Variants in PCDHGA4 observed in about 807,000 individuals in gnomAD.
The protein encoded by PCDHGA4 is protocadherin gamma subfamily A, 4, also known as protocadherin gamma-A4.
PCDHGA4 carries 38 observed loss-of-function variants against 54.6 expected under a neutral mutation model. That is an observed-to-expected ratio of 0.70 (90% CI 0.54 to 0.91). PCDHGA4 has a LOEUF of 0.91. Among genes scored for constraint, PCDHGA4 ranks in the 40% least tolerant of loss-of-function variants. PCDHGA4 has a pLI of 0.00. For synonymous variants in PCDHGA4, 511 were observed against 512.9 expected (o/e 1.00, Z 0.05); for missense variants, 1,298 against 1,220.9 (o/e 1.06, Z -0.94).
chr5:141,412,183 C>A (rs1243084028), intron 1 of PCDHGA4: 1 of 152,188 alleles, frequency 6.6e-6, no homozygotes, highest in African/African-American at 2.4e-5. Context: ...GGTATTAATG[C>A]TCTGATGAAA....
intron 1 of PCDHGA4, chr5:141,362,075 G>A (rs533999436): frequency 5.6e-6 from 9 of 1,612,846 alleles, no homozygotes; most frequent in Non-Finnish European, 7.6e-6. Context: ...GTCGCTGTGC[G>A]TGATGGAGGA....
chr5:141,486,645 C>T lies in PCDHGA4; in HGVS notation c.2515-8162C>T, dbSNP rs369948556. ...GACTCTGGCTTGAATGCGCTTATCT[C>T]CTACTCACTCCTGGAGCCCAGGAAT... On this transcript the variant is annotated intron_variant, in intron 1 of 3. Coordinates refer to ENST00000571252, the MANE Select transcript of PCDHGA4 (RefSeq NM_018917.4). This position sits in a 1 kb window ranked among gnomAD's most constrained non-coding sequence, Gnocchi z 5.0. 1.9e-6 allele frequency: 3 copies of T among 1,613,752 alleles called. No individual in the cohort carries two copies. The highest frequency in any genetic ancestry group is 2.2e-5 in the East Asian group (1 of 44,896).
At chr5:141,380,054 C>T (rs1441784259) in intron 1 of PCDHGA4, among the ~76,000 whole-genome samples, 1 of 151,916 alleles carries the variant, frequency 6.6e-6, no homozygotes, top group South Asian at 2.1e-4. Flanking sequence ...TGCATGCCAC[C>T]ATGCCTAGCT....
chr5:141,373,942 G>C, intron 1 of PCDHGA4: 1 of 734,326 alleles, frequency 1.4e-6, no homozygotes, highest in African/African-American at 1.8e-5. Context: ...CAGGAAAGCT[G>C]TGCAGAAATT....
intron 1 of PCDHGA4, among the ~76,000 whole-genome samples, chr5:141,470,036 C>T (rs573955901): frequency 5.3e-5 from 8 of 152,022 alleles, no homozygotes; most frequent in South Asian, 2.1e-4. Flanking sequence ...TGCTGAGGCG[C>T]GAGAACTGTT....
intron 1 of PCDHGA4, chr5:141,392,075 TG>T (rs2092461871): frequency 6.6e-6 from 1 of 152,236 alleles, no homozygotes. Context: ...GTAATTCAAG[TG>T]GCATTTAGAA....
At position 141,486,714 on chromosome 5, in the gene PCDHGA4, CAG is replaced by C; in HGVS notation, c.2515-8092_2515-8091del. ...TCTTTCATCTCTCTGAACCCCCAGA[CAG>C]GAGCTGTTCATGCTACTCGATCCTT... On this transcript the variant is annotated intron_variant, in intron 1 of 3. Coordinates refer to ENST00000571252, the MANE Select transcript of PCDHGA4 (RefSeq NM_018917.4). This position sits in a 1 kb window ranked among gnomAD's most constrained non-coding sequence, Gnocchi z 5.0. 1 of 1,614,216 alleles carries C rather than the reference CAG, an allele frequency of 6.2e-7. No homozygotes were observed. Among genetic ancestry groups the C allele is most frequent in the Non-Finnish European group, 8.5e-7 (1 of 1,180,034 alleles).
chr5:141,363,969 G>T (rs1161441825), intron 1 of PCDHGA4, among the ~76,000 whole-genome samples: 14 of 152,250 alleles, frequency 9.2e-5, no homozygotes, highest in East Asian at 1.9e-4. Context: ...TGGAAGTCTT[G>T]CTATTCAGAA....
At chr5:141,395,633 G>T (rs1448678453) in intron 1 of PCDHGA4, 1 of 179,296 alleles carries the variant, frequency 5.6e-6, no homozygotes, top group African/African-American at 2.4e-5. Context: ...GAAGTCTAAA[G>T]CCTTGTTATT....
rs758715682 is a variant in PCDHGA4, at chr5:141,490,062, C to T, written c.2515-4745C>T. The T allele has an allele frequency of 2.6e-5, 42 of 1,614,100 alleles. No individual in the cohort carries two copies. The highest frequency in any genetic ancestry group is 3.3e-5 in the South Asian group (3 of 91,086). On this transcript the variant is annotated intron_variant, in intron 1 of 3. Coordinates refer to ENST00000571252, the MANE Select transcript of PCDHGA4 (RefSeq NM_018917.4). The surrounding 1 kb of genome is among the most constrained non-coding windows in gnomAD (Gnocchi z 5.4). The stretch of plus-strand genomic sequence containing the variant: ...CCACTGATCCAGACGAGGGCACCAA[C>T]GGCCAACTAGACTATTCTTTTGGAG...
chr5:141,408,660 C>T, intron 1 of PCDHGA4: 1 of 1,613,980 alleles, frequency 6.2e-7, no homozygotes, highest in East Asian at 2.2e-5. Context: ...ACACGACTAT[C>T]GCTTGACCCT....
chr5:141,476,803 T>G lies in PCDHGA4; in HGVS notation c.2515-18004T>G, dbSNP rs756358461. 3 of 1,613,688 alleles carry G rather than the reference T, an allele frequency of 1.9e-6. No individual in the cohort carries two copies. The highest frequency in any genetic ancestry group is 2.2e-5 in the South Asian group (2 of 91,092). ...CCCCAGCTCTCTCCGCCAGCCTGCCTATTCACATCAAGGTGCTGGACGCGA... is the reference window on the plus strand; with the variant it reads ...CCCCAGCTCTCTCCGCCAGCCTGCCGATTCACATCAAGGTGCTGGACGCGA... On this transcript the variant is annotated intron_variant, in intron 1 of 3. Transcript: ENST00000571252. The surrounding 1 kb of genome is among the most constrained non-coding windows in gnomAD (Gnocchi z 7.6).
At chr5:141,364,489 G>T in intron 1 of PCDHGA4, 1 of 1,614,034 alleles carries the variant, frequency 6.2e-7, no homozygotes, top group Non-Finnish European at 8.5e-7. Flanking sequence ...AGGACCTTGG[G>T]CTGGAGCCCC....
chr5:141,433,508 A>G (rs2097615565), intron 1 of PCDHGA4, among the ~76,000 whole-genome samples: 1 of 152,068 alleles, frequency 6.6e-6, no homozygotes, highest in Non-Finnish European at 1.5e-5. Context: ...TGCTGGGATT[A>G]CAGGCGTGAA....
chr5:141,462,183 C>A (rs1439465872), intron 1 of PCDHGA4, among the ~76,000 whole-genome samples: 1 of 152,158 alleles, frequency 6.6e-6, no homozygotes. Flanking sequence ...TGGTCTTGAA[C>A]TCCTGACCTC....
Position 141,357,273 on chromosome 5 carries a change from C to G in PCDHGA4, c.2166C>G (p.Leu722=), listed in dbSNP as rs111314276. ...SADPDDSGLT[L]YLVVAVAAVS... is the part of the protein sequence containing the mutation. Reference sequence around the variant, plus strand: ...ACCCAGACGACTCGGGCCTCACACTCTATCTCGTGGTGGCAGTGGCCGCTG... The same window carrying G: ...ACCCAGACGACTCGGGCCTCACACTGTATCTCGTGGTGGCAGTGGCCGCTG... The change falls in exon 1 of 4, where the codon CTC becomes CTG. Residue 722 remains leucine, a synonymous_variant. Transcript: ENST00000571252. 5 of 1,613,852 alleles carry G rather than the reference C, an allele frequency of 3.1e-6. No individual in the cohort carries two copies. The highest frequency in any genetic ancestry group is 2.7e-5 in the African/African-American group (2 of 75,048).
intron 1 of PCDHGA4, chr5:141,359,955 C>G (rs1375223360): frequency 1.1e-5 from 6 of 566,630 alleles, no homozygotes; most frequent in Non-Finnish European, 1.7e-5. Flanking sequence ...GTCAAAAGAA[C>G]GAAGAGAAGC....
Position 141,511,030 on chromosome 5 carries a change from C to A in PCDHGA4, c.2746C>A (p.Gln916Lys). 9 of 1,614,224 alleles carry A rather than the reference C, an allele frequency of 5.6e-6. No individual in the cohort carries two copies. Among genetic ancestry groups the A allele is most frequent in the Non-Finnish European group, 7.6e-6 (9 of 1,180,032 alleles). Residue 916 changes from glutamine (Q) to lysine (K), a missense_variant, in exon 4 of 4, where the codon CAG (glutamine) becomes AAG (lysine). Transcript: ENST00000571252. ...SARYGPQFTLQHVPDYRQNVY... is the reference protein window; with the variant it reads ...SARYGPQFTLKHVPDYRQNVY... ...CCGCTACGGACCCCAGTTCACCCTGCAGCACGTGCCCGACTACCGCCAGAA... is the reference window on the plus strand; with the variant it reads ...CCGCTACGGACCCCAGTTCACCCTGAAGCACGTGCCCGACTACCGCCAGAA...
At chr5:141,451,154 TTTTTGGTAGTATA>T (rs2098709149) in intron 1 of PCDHGA4, among the ~76,000 whole-genome samples, 1 of 152,152 alleles carries the variant, frequency 6.6e-6, no homozygotes, top group Non-Finnish European at 1.5e-5. Flanking sequence ...ACTAGACATT[TTTTTGGTAGTATA>T]TTATTTAGCC....
Sources: gnomAD v4.1 joint callset for allele counts (sites outside exome capture counted in the v4.1 genomes callset) on GRCh38, gnomAD v4.1.1 for gene constraint, Gnocchi (gnomAD v3.1) non-coding constraint, MANE v1.5 for transcripts, NCBI Gene and HGNC (gene_info 2026-07-23, HGNC 2026-07-21) for gene names.